Variants in ATG7 observed in about 807,000 individuals in gnomAD.
ATG7 encodes ubiquitin-like modifier-activating enzyme ATG7.
ATG7 carries 70 observed loss-of-function variants against 82.4 expected under a neutral mutation model. The observed-to-expected ratio is 0.85, with a 90% CI of 0.70 to 1.04. ATG7 has a LOEUF of 1.04. Among genes scored for constraint, ATG7 ranks in the 50% least tolerant of loss-of-function variants. ATG7 has a pLI of 0.00. For missense variants in ATG7, 792 were observed against 864.3 expected, an observed-to-expected ratio of 0.92 and a Z score of 1.05; for synonymous variants, 287 against 313.0, an observed-to-expected ratio of 0.92 and a Z score of 0.88.
intron 7 of ATG7, among the ~76,000 whole-genome samples, chr3:11,310,792 C>G (rs139031272): frequency 0.013 from 1,957 of 152,154 alleles, 42 homozygotes; most frequent in African/African-American, 0.045. Flanking sequence ...ACCACCACAC[C>G]CGGCTAATTT....
chr3:11,479,220 A>G (rs1423429694), intron 20 of ATG7, among the ~76,000 whole-genome samples: 1 of 152,230 alleles, frequency 6.6e-6, no homozygotes, highest in African/African-American at 2.4e-5. Context: ...CAGTGATTCC[A>G]CAGAGAAGAC....
chr3:11,465,426 CAGAG>C (rs1282677944), intron 20 of ATG7, among the ~76,000 whole-genome samples: 49 of 138,238 alleles, frequency 3.5e-4, no homozygotes, highest in Middle Eastern at 4.3e-3. Flanking sequence ...GCCTGGGTGA[CAGAG>C]AGAGACTCTG....
At chr3:11,315,838 T>C (rs573532278) in intron 9 of ATG7, among the ~76,000 whole-genome samples, 196 of 152,330 alleles carry the variant, frequency 1.3e-3, no homozygotes, top group African/African-American at 4.5e-3. Context: ...GCGATTCTCC[T>C]GGTCAGCCTC....
Position 11,556,858 on chromosome 3 carries a change from G to T in ATG7, c.*2015G>T, listed in dbSNP as rs1187308397. The T allele has an allele frequency of 6.5e-6, 1 of 152,810 alleles. No homozygotes were observed. The highest frequency in any genetic ancestry group is 2.4e-5 in the African/African-American group (1 of 41,466). The allele number at this position is 152,810 out of a possible 1,614,324, so 9.5% of individuals were successfully genotyped here. ...AGCTTGGAAGCCCAGTACAGTGGGA[G>T]TGAAATGTGTGCGGGGCAAGGAGAA... On this transcript the variant is annotated 3_prime_UTR_variant, in exon 21 of 21. Coordinates refer to ENST00000693202, the MANE Select transcript of ATG7 (RefSeq NM_001349232.2).
chr3:11,453,045 C>A (rs2085349491), intron 20 of ATG7, among the ~76,000 whole-genome samples: 1 of 152,198 alleles, frequency 6.6e-6, no homozygotes, highest in African/African-American at 2.4e-5. Context: ...AGCAGACAGT[C>A]CTTCCTTTCT....
rs72177700 is a variant in ATG7 at position 11,440,674 on chromosome 3, C to CTTTTT, written c.2079+13770_2079+13774dup. Among the ~76,000 whole-genome samples the CTTTTT allele has an allele frequency of 6.6e-3, 262 of 39,488 alleles. 91 individuals carry two copies. The highest frequency in any genetic ancestry group is 0.024 in the African/African-American group (221 of 9,204). The allele number at this position is 39,488 out of a possible 152,430, so 25.9% of individuals were successfully genotyped here. A position where few individuals can be genotyped will look rare whatever the true frequency, so the allele number is the denominator to read the frequency against. ...TTAGGGAAGAGTTGGTCCCCATTTG[C>CTTTTT]TTTTTTTTTTTTTTTTTTTTTTTTT... On this transcript the variant is annotated intron_variant, in intron 20 of 20. Transcript: ENST00000693202.
intron 9 of ATG7, among the ~76,000 whole-genome samples, chr3:11,318,372 G>A (rs968019625): frequency 6.6e-6 from 1 of 152,214 alleles, no homozygotes; most frequent in Non-Finnish European, 1.5e-5. Flanking sequence ...AAATTAAGGA[G>A]AAATTCAAGT....
chr3:11,341,024 C>T (rs1366796999), intron 12 of ATG7, among the ~76,000 whole-genome samples: 1 of 152,202 alleles, frequency 6.6e-6, no homozygotes, highest in Non-Finnish European at 1.5e-5. Flanking sequence ...GTCCTTTATG[C>T]ATTGTCCTCT....
chr3:11,560,525 A>C (rs941519574), downstream of ATG7, among the ~76,000 whole-genome samples: 31 of 152,300 alleles, frequency 2.0e-4, no homozygotes, highest in African/African-American at 7.2e-4. Context: ...AGCTGGTATA[A>C]AGACACAAAA....
At chr3:11,554,720 G>A (rs2072234341) in intron 20 of ATG7, 91 bp from the exon 21 acceptor site, 2 of 1,480,954 alleles carry the variant, frequency 1.4e-6, no homozygotes, top group Non-Finnish European at 1.9e-6. Context: ...GCAGGTGGGA[G>A]CTGCCATGAC....
rs571283118 is a variant in ATG7, at chr3:11,474,239, C to T, written c.2079+47313C>T. On this transcript the variant is annotated intron_variant, in intron 20 of 20. Coordinates refer to ENST00000693202, the MANE Select transcript of ATG7 (RefSeq NM_001349232.2). ...AGGCAGGGCCTCTGTTTTCATGGAGCCTACTTTTCTAGTTCTATAAATAAA... is the reference window on the plus strand; with the variant it reads ...AGGCAGGGCCTCTGTTTTCATGGAGTCTACTTTTCTAGTTCTATAAATAAA... Among the ~76,000 whole-genome samples the T allele has an allele frequency of 2.5e-4, 38 of 152,326 alleles. No homozygotes were observed. The East Asian group carries it at 6.9e-3, about 28-fold the overall frequency.
intron 20 of ATG7, among the ~76,000 whole-genome samples, chr3:11,470,053 C>G (rs1435964040): frequency 6.6e-6 from 1 of 150,486 alleles, no homozygotes; most frequent in African/African-American, 2.5e-5. Context: ...CTTCAGCTAC[C>G]CAACAAAGCA....
chr3:11,534,271 G>A (rs1373639156), intron 20 of ATG7, among the ~76,000 whole-genome samples: 1 of 152,258 alleles, frequency 6.6e-6, no homozygotes, highest in Non-Finnish European at 1.5e-5. Flanking sequence ...CCGCAAGCTG[G>A]ACTGAGTCGA....
At chr3:11,331,297 G>A (rs758315688) in intron 9 of ATG7, 43 bp from the exon 10 acceptor site, 1 of 1,448,536 alleles carries the variant, frequency 6.9e-7, no homozygotes, top group East Asian at 2.3e-5. Context: ...TTGTGAAGCT[G>A]ACATGATACT....
At chr3:11,376,044 A>C (rs542414290) in intron 18 of ATG7, among the ~76,000 whole-genome samples, 1 of 152,346 alleles carries the variant, frequency 6.6e-6, no homozygotes, top group South Asian at 2.1e-4. Flanking sequence ...AGTAAAGAGG[A>C]ATGAAATGCT....
chr3:11,428,505 A>G (rs919384786), intron 20 of ATG7, among the ~76,000 whole-genome samples: 2 of 152,246 alleles, frequency 1.3e-5, no homozygotes, highest in Admixed American at 1.3e-4. Flanking sequence ...CATTAAACAG[A>G]TGCAGTCTTC....
chr3:11,568,805 C>T, the ATG7 span: 24 of 1,433,062 alleles, frequency 1.7e-5, no homozygotes, highest in East Asian at 2.6e-5. This position sits in a 1 kb window ranked among gnomAD's most constrained non-coding sequence, Gnocchi z 5.9. Flanking sequence ...AGAGAGCCCA[C>T]GGCATCCCCG....
chr3:11,554,153 T>C lies in ATG7; in HGVS notation c.2080-658T>C, dbSNP rs566369773. Among the ~76,000 whole-genome samples the C allele has an allele frequency of 5.9e-5, 9 of 152,336 alleles. No homozygotes were observed. The South Asian group carries it at 1.2e-3, about 21-fold the overall frequency. ...TCCCTCAGTTCTCCTCACAGCCACG[T>C]TGGGGCCTCCTGCTCCCCAGGTTCA... On this transcript the variant is annotated intron_variant, in intron 20 of 20. Transcript: ENST00000693202.
intron 20 of ATG7, among the ~76,000 whole-genome samples, chr3:11,439,939 T>G (rs1267036983): frequency 6.6e-6 from 1 of 152,232 alleles, no homozygotes; most frequent in East Asian, 1.9e-4. Flanking sequence ...ATGGATGAAG[T>G]TGTCAAGACT....
Sources: allele counts gnomAD v4.1 joint callset (sites outside exome capture counted in the v4.1 genomes callset), GRCh38; gene constraint gnomAD v4.1.1; non-coding constraint Gnocchi (gnomAD v3.1); transcripts MANE v1.5; gene names NCBI Gene and HGNC (gene_info 2026-07-23, HGNC 2026-07-21).